The following ZNF423 variants were observed in gnomAD, a reference collection of about 807,000 sequenced individuals.
ZNF423 encodes the protein Ebf-associated zinc finger protein.
Under a neutral mutation model 95.8 loss-of-function variants are expected in ZNF423, and 12 were observed. The ratio of observed to expected loss-of-function variants is 0.13; its 90% confidence interval spans 0.08 to 0.20. The LOEUF (loss-of-function observed/expected upper bound fraction) is 0.20. ZNF423 is among the 10% of genes least tolerant of loss of function. ZNF423 has a pLI of 1.00. For synonymous variants in ZNF423, 749 were observed against 711.9 expected (o/e 1.05, Z -0.83); for missense variants, 1,316 against 1,737.1 (o/e 0.76, Z 4.31).
At chr16:49,811,437 C>A (rs1166144906) in intron 1 of ZNF423, among the ~76,000 whole-genome samples, 3 of 152,154 alleles carry the variant, frequency 2.0e-5, no homozygotes, top group African/African-American at 7.2e-5. Context: ...CCCAACCCAG[C>A]CCACGCTGCC....
At chr16:49,610,153 A>G (rs1202134554) in intron 5 of ZNF423, among the ~76,000 whole-genome samples, 10 of 152,340 alleles carry the variant, frequency 6.6e-5, no homozygotes, top group South Asian at 4.1e-4. Flanking sequence ...AACTAAGAGA[A>G]TGCGTCACCA....
At chr16:49,531,474 C>A (rs1322335263) in intron 5 of ZNF423, among the ~76,000 whole-genome samples, 1 of 151,980 alleles carries the variant, frequency 6.6e-6, no homozygotes, top group Admixed American at 6.6e-5. Context: ...ACACCATCCC[C>A]ATAGATAACC....
chr16:49,643,084 G>A (rs981963068), intron 3 of ZNF423, among the ~76,000 whole-genome samples: 1 of 152,102 alleles, frequency 6.6e-6, no homozygotes, highest in African/African-American at 2.4e-5. Context: ...GCCTCCCAAA[G>A]TGCTGGGATT....
intron 5 of ZNF423, among the ~76,000 whole-genome samples, chr16:49,567,446 G>T (rs1192800196): frequency 1.3e-5 from 2 of 152,306 alleles, no homozygotes; most frequent in East Asian, 3.9e-4. Context: ...ACTATGCGCT[G>T]CCCAGATAGA....
chr16:49,618,390 T>A (rs1016907676), intron 5 of ZNF423, among the ~76,000 whole-genome samples: 3 of 152,202 alleles, frequency 2.0e-5, no homozygotes, highest in Admixed American at 1.3e-4. Flanking sequence ...AATCCCCATG[T>A]GTGGAGGGAG....
chr16:49,549,580 C>A (rs1391193757), intron 5 of ZNF423, among the ~76,000 whole-genome samples: 4 of 152,188 alleles, frequency 2.6e-5, no homozygotes, highest in Admixed American at 2.0e-4. Flanking sequence ...ACCTCCTTCC[C>A]TAGGTAGAAG....
intron 5 of ZNF423, among the ~76,000 whole-genome samples, chr16:49,578,549 T>C (rs1970568546): frequency 6.6e-6 from 1 of 152,056 alleles, no homozygotes; most frequent in African/African-American, 2.4e-5. Context: ...AGTTTGTTTC[T>C]CTATTTCCCA....
intron 2 of ZNF423, among the ~76,000 whole-genome samples, chr16:49,755,055 C>T (rs1411225837): frequency 6.6e-6 from 1 of 152,218 alleles, no homozygotes; most frequent in African/African-American, 2.4e-5. Flanking sequence ...CCCCTGCCTC[C>T]CTCCTCAGCA....
intron 5 of ZNF423, among the ~76,000 whole-genome samples, chr16:49,571,728 G>A (rs1970362836): frequency 6.6e-6 from 1 of 152,114 alleles, no homozygotes; most frequent in African/African-American, 2.4e-5. Flanking sequence ...CAGAGAGGAT[G>A]CAGGTTCTGA....
chr16:49,823,729 G>A (rs566393546), intron 1 of ZNF423, among the ~76,000 whole-genome samples: 22 of 152,198 alleles, frequency 1.4e-4, no homozygotes, highest in South Asian at 6.2e-4. Flanking sequence ...GATATGTGGA[G>A]GGAAAATACA....
chr16:49,743,893 C>T (rs572413823), intron 2 of ZNF423, among the ~76,000 whole-genome samples: 2 of 152,150 alleles, frequency 1.3e-5, no homozygotes, highest in Non-Finnish European at 2.9e-5. Context: ...ACGGAAGTGG[C>T]GCCTGGAGAA....
At chr16:49,610,512 A>C (rs1053340505) in intron 5 of ZNF423, among the ~76,000 whole-genome samples, 13 of 152,144 alleles carry the variant, frequency 8.5e-5, no homozygotes, top group African/African-American at 3.1e-4. Flanking sequence ...TACCTACAGT[A>C]ATCATGATAA....
rs2034726198 is a variant in ZNF423, at chr16:49,809,965, C to T, written c.41-20419G>A. 2.6e-5 allele frequency among the ~76,000 whole-genome samples: 4 copies of T among 152,076 alleles called. No individual in the cohort carries two copies. In the South Asian group the frequency reaches 6.2e-4, roughly 24 times the overall value. On this transcript the variant is annotated intron_variant, in intron 1 of 7. Transcript: ENST00000563137. ...CATTTTTTCCTCCCACCCCCAGCTCCTTCCCTCGAGGACAGGGGCAACCAT... is the reference window on the plus strand; with the variant it reads ...CATTTTTTCCTCCCACCCCCAGCTCTTTCCCTCGAGGACAGGGGCAACCAT...
intron 2 of ZNF423, among the ~76,000 whole-genome samples, chr16:49,733,678 G>A (rs557283831): frequency 7.0e-4 from 107 of 152,292 alleles, no homozygotes; most frequent in African/African-American, 2.5e-3. Flanking sequence ...CAAAGGCGCG[G>A]ACCTCATCCT....
At chr16:49,668,855 C>G (rs974106256) in intron 3 of ZNF423, among the ~76,000 whole-genome samples, 1 of 152,132 alleles carries the variant, frequency 6.6e-6, no homozygotes, top group African/African-American at 2.4e-5. Context: ...TGACCTGGGA[C>G]AAGTGACCTC....
intron 6 of ZNF423, among the ~76,000 whole-genome samples, chr16:49,524,861 G>T (rs1456737041): frequency 6.6e-6 from 1 of 152,218 alleles, no homozygotes; most frequent in Non-Finnish European, 1.5e-5. Context: ...ATTCGCCTGG[G>T]CCGGCAGCCA....
chr16:49,733,223 A>T (rs2033210690), intron 2 of ZNF423, among the ~76,000 whole-genome samples: 3 of 151,598 alleles, frequency 2.0e-5, no homozygotes, highest in Admixed American at 2.0e-4. Flanking sequence ...TAAAAAAAAA[A>T]TGTTCTGTAG....
chr16:49,859,090 A>C (rs1327049804), upstream of ZNF423, among the ~76,000 whole-genome samples: 1 of 152,102 alleles, frequency 6.6e-6, no homozygotes, highest in African/African-American at 2.4e-5. Flanking sequence ...GGGGGCGGAC[A>C]AAAGGAGCGC....
At chr16:49,634,642 G>A (rs1007149970) in intron 4 of ZNF423, among the ~76,000 whole-genome samples, 2 of 152,254 alleles carry the variant, frequency 1.3e-5, no homozygotes, top group Non-Finnish European at 2.9e-5. Flanking sequence ...CTGCCTCCCT[G>A]CCAATGGTGC....
Sources: gnomAD v4.1 joint callset for allele counts (sites outside exome capture counted in the v4.1 genomes callset) on GRCh38, gnomAD v4.1.1 for gene constraint, MANE v1.5 for transcripts, NCBI Gene and HGNC (gene_info 2026-07-23, HGNC 2026-07-21) for gene names.